Variants in KAZN observed in about 807,000 individuals in gnomAD.
KAZN encodes kazrin, periplakin interacting protein, also known as kazrin.
A neutral mutation model predicts 87.4 loss-of-function variants in KAZN; 40 were observed. The observed-to-expected ratio is 0.46, with a 90% CI of 0.36 to 0.60. KAZN has a LOEUF of 0.60. Among genes scored for constraint, KAZN ranks in the 20% least tolerant of loss-of-function variants. The probability of loss-of-function intolerance (pLI) is 0.00; values close to 1 mark genes in which losing one functional copy is unlikely to be tolerated. For missense variants in KAZN, 898 were observed against 1,073.9 expected (o/e 0.84, Z 2.29); for synonymous variants, 466 against 458.3 (o/e 1.02, Z -0.22).
intron 2 of KAZN, among the ~76,000 whole-genome samples, chr1:14,970,368 T>C (rs955163295): frequency 5.9e-5 from 9 of 152,186 alleles, no homozygotes; most frequent in African/African-American, 2.2e-4. Flanking sequence ...GCCAGGCTCC[T>C]TGGCAACCCC....
At chr1:14,940,851 C>T (rs893453147) in intron 1 of KAZN, among the ~76,000 whole-genome samples, 1 of 147,176 alleles carries the variant, frequency 6.8e-6, no homozygotes, top group Non-Finnish European at 1.5e-5. Flanking sequence ...GTAGCCTGGG[C>T]CTGGCCAGGC....
intron 2 of KAZN, among the ~76,000 whole-genome samples, chr1:14,361,171 G>C (rs1227211781): frequency 6.6e-6 from 1 of 152,210 alleles, no homozygotes; most frequent in African/African-American, 2.4e-5. Context: ...GGCTACAGCA[G>C]CTTTGCCAAG....
chr1:14,942,689 C>T (rs1661236195), intron 1 of KAZN, among the ~76,000 whole-genome samples: 1 of 152,202 alleles, frequency 6.6e-6, no homozygotes, highest in African/African-American at 2.4e-5. Flanking sequence ...TGGAAGGACG[C>T]TTTTGCCCCT....
At chr1:14,404,174 T>C (rs1040915389) in intron 2 of KAZN, among the ~76,000 whole-genome samples, 6 of 152,168 alleles carry the variant, frequency 3.9e-5, no homozygotes, top group Non-Finnish European at 8.8e-5. Context: ...ATCTACCTAG[T>C]TGACGCTGTA....
chr1:14,613,429 C>T (rs1677973527), intron 1 of KAZN, among the ~76,000 whole-genome samples: 2 of 152,174 alleles, frequency 1.3e-5, no homozygotes, highest in Non-Finnish European at 1.5e-5. Context: ...CTATTCCATA[C>T]CACAAGTTAA....
chr1:14,577,554 C>T (rs1675269096), intron 2 of KAZN, among the ~76,000 whole-genome samples: 1 of 152,154 alleles, frequency 6.6e-6, no homozygotes, highest in Non-Finnish European at 1.5e-5. Context: ...GCAGCAAGAT[C>T]AGGCTGCTGG....
chr1:15,047,862 T>A (rs1267480677), intron 4 of KAZN, among the ~76,000 whole-genome samples: 1 of 152,084 alleles, frequency 6.6e-6, no homozygotes, highest in Non-Finnish European at 1.5e-5. Context: ...GGGACGAACA[T>A]GTCCCTTTTG....
chr1:14,437,736 G>A (rs574824719), intron 2 of KAZN, among the ~76,000 whole-genome samples: 8 of 152,284 alleles, frequency 5.3e-5, no homozygotes, highest in East Asian at 1.9e-4. Flanking sequence ...GCTGAGAGCC[G>A]CGTGCAGTTG....
intron 1 of KAZN, among the ~76,000 whole-genome samples, chr1:13,955,435 A>C (rs1201310370): frequency 1.3e-5 from 2 of 152,032 alleles, no homozygotes; most frequent in Non-Finnish European, 2.9e-5. Flanking sequence ...AATAATTTTA[A>C]AATTATTATT....
intron 2 of KAZN, among the ~76,000 whole-genome samples, chr1:14,369,325 T>C (rs1355962624): frequency 6.6e-6 from 1 of 152,220 alleles, no homozygotes; most frequent in Non-Finnish European, 1.5e-5. Context: ...TCATTAACTT[T>C]AACACTATCC....
intron 2 of KAZN, among the ~76,000 whole-genome samples, chr1:14,331,807 CCTTG>C (rs1316963662): frequency 6.6e-6 from 1 of 152,124 alleles, no homozygotes; most frequent in Non-Finnish European, 1.5e-5. Flanking sequence ...TCCATCATTT[CCTTG>C]CTTTTCTTCT....
chr1:14,739,419 G>C (rs6698433), intron 1 of KAZN, among the ~76,000 whole-genome samples: 72,497 of 151,580 alleles, frequency 0.48, 17,769 homozygotes, highest in African/African-American at 0.56. Flanking sequence ...GCAGTGTCCT[G>C]TGGTGGATTT....
rs916156509 is a variant in KAZN, at chr1:14,735,059, G to T, written c.226+135836G>T. Among the ~76,000 whole-genome samples, 2 of 142,822 alleles carry T rather than the reference G, an allele frequency of 1.4e-5. No homozygotes were observed. The highest frequency in any genetic ancestry group is 2.1e-4 in the South Asian group (1 of 4,798). 93.7% of individuals were successfully genotyped at this position (142,822 alleles called of 152,430 possible). On this transcript the variant is annotated intron_variant, in intron 1 of 14. Coordinates refer to ENST00000376030, the MANE Select transcript of KAZN (RefSeq NM_201628.3). The surrounding 1 kb of genome is among the most constrained non-coding windows in gnomAD (Gnocchi z 4.3). ...CACAGGATGCTAAATGGTCATGCTG[G>T]TTTTTTTTGTTTTGTTTTGAGACGG...
At chr1:14,727,748 G>A (rs1643470360) in intron 1 of KAZN, among the ~76,000 whole-genome samples, 1 of 151,828 alleles carries the variant, frequency 6.6e-6, no homozygotes, top group Middle Eastern at 3.4e-3. Flanking sequence ...TTACAGGCGT[G>A]AGCCACCGCT....
At chr1:14,968,249 G>A (rs545451997) in intron 2 of KAZN, among the ~76,000 whole-genome samples, 4 of 151,966 alleles carry the variant, frequency 2.6e-5, no homozygotes, top group South Asian at 2.1e-4. Flanking sequence ...CCTCACATGC[G>A]CAGTTCACAA....
chr1:14,411,950 A>T (rs1053673097), intron 2 of KAZN, among the ~76,000 whole-genome samples: 5 of 152,242 alleles, frequency 3.3e-5, no homozygotes, highest in Non-Finnish European at 5.9e-5. Context: ...GAAATGACAG[A>T]CTGTCATTCT....
chr1:15,088,144 C>T (rs949337315), intron 8 of KAZN, among the ~76,000 whole-genome samples: 64 of 152,182 alleles, frequency 4.2e-4, no homozygotes, highest in African/African-American at 1.5e-3. Flanking sequence ...CCTGTCTCAA[C>T]GTCTCAACTC....
At chr1:14,989,949 C>T (rs1667189472) in intron 2 of KAZN, among the ~76,000 whole-genome samples, 1 of 152,186 alleles carries the variant, frequency 6.6e-6, no homozygotes. Flanking sequence ...TAACCAGTAG[C>T]TGCCGTGGGC....
intron 2 of KAZN, among the ~76,000 whole-genome samples, chr1:14,219,174 G>A (rs987821628): frequency 2.6e-5 from 4 of 152,094 alleles, no homozygotes; most frequent in African/African-American, 9.7e-5. Context: ...AAAAATAACA[G>A]GGGAAATGAA....
Sources: gnomAD v4.1 joint callset for allele counts (sites outside exome capture counted in the v4.1 genomes callset) on GRCh38, gnomAD v4.1.1 for gene constraint, Gnocchi (gnomAD v3.1) non-coding constraint, MANE v1.5 for transcripts, NCBI Gene and HGNC (gene_info 2026-07-23, HGNC 2026-07-21) for gene names.